Variants in FYB2 observed in about 807,000 individuals in gnomAD.
The protein encoded by FYB2 is FYN-binding protein 2.
Under a neutral mutation model 94.1 loss-of-function variants are expected in FYB2, and 103 were observed. That is an observed-to-expected ratio of 1.09 (90% CI 0.93 to 1.29). FYB2 has a LOEUF of 1.29. Among genes scored for constraint, FYB2 ranks in the 50% most tolerant of loss-of-function variants. FYB2 has a pLI of 0.00. For synonymous variants in FYB2, 293 were observed against 287.9 expected, an observed-to-expected ratio of 1.02 and a Z score of -0.18; for missense variants, 896 against 841.5, an observed-to-expected ratio of 1.06 and a Z score of -0.80.
chr1:56,757,687 C>CTTCTTTTTTTCT (rs1645374093), intron 6 of FYB2, among the ~76,000 whole-genome samples: 1 of 71,938 alleles, frequency 1.4e-5, no homozygotes, highest in African/African-American at 6.3e-5. Context: ...TCCTTCCTTC[C>CTTCTTTTTTTCT]TTCTTTCTTT....
At chr1:56,804,774 G>C (rs1329179231) in intron 1 of FYB2, among the ~76,000 whole-genome samples, 1 of 151,896 alleles carries the variant, frequency 6.6e-6, no homozygotes, top group South Asian at 2.1e-4. Flanking sequence ...TAAAGTGCAG[G>C]TTCAATCACG....
intron 15 of FYB2, among the ~76,000 whole-genome samples, chr1:56,727,619 T>A (rs568964705): frequency 1.1e-4 from 17 of 152,260 alleles, no homozygotes; most frequent in African/African-American, 4.1e-4. Flanking sequence ...AATATTTGTA[T>A]CATATGTTTG....
intron 1 of FYB2, among the ~76,000 whole-genome samples, chr1:56,807,997 G>A (rs149816084): frequency 1.3e-5 from 2 of 152,212 alleles, no homozygotes; most frequent in African/African-American, 4.8e-5. Flanking sequence ...GATTATTATT[G>A]CCATCATTAT....
intron 4 of FYB2, among the ~76,000 whole-genome samples, chr1:56,768,607 T>C (rs1429009712): frequency 6.6e-6 from 1 of 152,168 alleles, no homozygotes; most frequent in African/African-American, 2.4e-5. Context: ...ATGATTGAAA[T>C]TCAAATCCCT....
At position 56,792,092 on chromosome 1, in the gene FYB2, G is replaced by C. The variant is rs147827833; in HGVS notation, c.721C>G (p.Pro241Ala). The C allele has an allele frequency of 5.5e-4, 882 of 1,606,710 alleles. 14 individuals carry two copies. The East Asian group carries it at 0.016, about 29-fold the overall frequency. The change falls in exon 2 of 20, where the codon CCC (proline) becomes GCC (alanine). Residue 241 changes from proline to alanine, a missense_variant. By Grantham distance (27) the Pro-to-Ala change is conservative. Transcript: ENST00000343433. ...CTGGCAAGCTCACACTCATAGATGG[G>C]CTGGCAGGGGCTGCTTGCCGGGCTC... ...ERSPASSPCQPIYECELASQA... is the reference protein window; with the variant it reads ...ERSPASSPCQAIYECELASQA...
intron 16 of FYB2, 78 bp from the exon 17 acceptor site, chr1:56,723,759 AT>A: frequency 2.6e-6 from 2 of 760,868 alleles, no homozygotes; most frequent in South Asian, 1.7e-5. Context: ...AAGTCACTTC[AT>A]TTCAGGATAA....
intron 1 of FYB2, among the ~76,000 whole-genome samples, chr1:56,794,018 G>A (rs1454205551): frequency 6.6e-6 from 1 of 152,198 alleles, no homozygotes. Flanking sequence ...GCCATTATAA[G>A]TGAAATGTCC....
At chr1:56,725,112 G>A (rs114350972) in intron 16 of FYB2, among the ~76,000 whole-genome samples, 4,869 of 152,110 alleles carry the variant, frequency 0.032, 100 homozygotes, top group Non-Finnish European at 0.048. Context: ...CACCGAAGCA[G>A]ATGCCAATGT....
intron 4 of FYB2, among the ~76,000 whole-genome samples, chr1:56,786,474 T>C (rs1646134971): frequency 6.6e-6 from 1 of 152,214 alleles, no homozygotes; most frequent in African/African-American, 2.4e-5. Context: ...TGATTATTTA[T>C]TGTTAAGTTT....
intron 4 of FYB2, among the ~76,000 whole-genome samples, chr1:56,784,892 C>G (rs1646098137): frequency 6.6e-6 from 1 of 152,146 alleles, no homozygotes; most frequent in Non-Finnish European, 1.5e-5. Flanking sequence ...ATAAGTAAAC[C>G]TATCTAATTC....
chr1:56,826,308 A>G, the FYB2 span, among the ~76,000 whole-genome samples: 2 of 152,176 alleles, frequency 1.3e-5, no homozygotes, highest in African/African-American at 4.8e-5. Context: ...TCTGACCATG[A>G]CACTCCACCA....
chr1:56,724,828 C>G (rs1228871268), intron 16 of FYB2, among the ~76,000 whole-genome samples: 2 of 151,978 alleles, frequency 1.3e-5, no homozygotes, highest in African/African-American at 4.8e-5. Flanking sequence ...ATATTTGATT[C>G]CTCCAAACCT....
At chr1:56,770,860 T>C (rs942286830) in intron 4 of FYB2, among the ~76,000 whole-genome samples, 12 of 152,160 alleles carry the variant, frequency 7.9e-5, no homozygotes, top group African/African-American at 2.9e-4. Flanking sequence ...TCAAATTGAA[T>C]AGCTTATAAA....
chr1:56,814,874 G>A (rs535987746), intron 1 of FYB2, among the ~76,000 whole-genome samples: 1 of 152,182 alleles, frequency 6.6e-6, no homozygotes, highest in African/African-American at 2.4e-5. Flanking sequence ...AAGCCTACAT[G>A]GGGTTTCACA....
intron 1 of FYB2, among the ~76,000 whole-genome samples, chr1:56,813,852 A>T (rs1454590381): frequency 2.6e-5 from 4 of 152,238 alleles, no homozygotes; most frequent in African/African-American, 7.2e-5. Flanking sequence ...GGACACAGAC[A>T]AATTAATTAA....
At chr1:56,789,988 G>A (rs1047556839) in intron 2 of FYB2, among the ~76,000 whole-genome samples, 1 of 152,136 alleles carries the variant, frequency 6.6e-6, no homozygotes, top group Non-Finnish European at 1.5e-5. Flanking sequence ...AATTTTCCAG[G>A]AAAGTTCCAA....
intron 1 of FYB2, among the ~76,000 whole-genome samples, chr1:56,812,965 A>C (rs1195067931): frequency 6.6e-6 from 1 of 152,228 alleles, no homozygotes; most frequent in Non-Finnish European, 1.5e-5. Flanking sequence ...TTCTAGAGGC[A>C]AAAGTCCAAG....
rs551343093 is a variant in FYB2 at position 56,765,866 on chromosome 1, C to G, written c.1063+1963G>C. The stretch of plus-strand genomic sequence containing the variant: ...ATAATGCCTGGGGCTTTTAGCTGTA[C>G]TTAGCAGGAGCAATAGGACAAAAGT... On this transcript the variant is annotated intron_variant, in intron 5 of 19. Transcript: ENST00000343433. Among the ~76,000 whole-genome samples the G allele has an allele frequency of 2.0e-3, 300 of 152,258 alleles. 1 individual carries two copies. The highest frequency in any genetic ancestry group is 6.8e-3 in the African/African-American group (283 of 41,536).
chr1:56,780,598 C>T (rs2100895326), intron 4 of FYB2, among the ~76,000 whole-genome samples: 1 of 152,274 alleles, frequency 6.6e-6, no homozygotes, highest in South Asian at 2.1e-4. Flanking sequence ...TCAGAGAGCG[C>T]ACAAAGCACT....
Sources: gnomAD v4.1 joint callset for allele counts (sites outside exome capture counted in the v4.1 genomes callset) on GRCh38, gnomAD v4.1.1 for gene constraint, MANE v1.5 for transcripts, NCBI Gene and HGNC (gene_info 2026-07-23, HGNC 2026-07-21) for gene names.